C2orf15: variants seen among roughly 807,000 people sequenced by gnomAD.
The protein encoded by C2orf15 is uncharacterized protein C2orf15.
A neutral mutation model predicts 4.4 loss-of-function variants in C2orf15; 3 were observed. The ratio of observed to expected loss-of-function variants is 0.67; its 90% CI spans 0.31 to 1.74. The LOEUF (loss-of-function observed/expected upper bound fraction) is 1.74, where lower values mean the gene tolerates loss of function less well. C2orf15 is among the 40% of genes most tolerant of loss of function. The pLI is 0.09. For missense variants in C2orf15, 90 were observed against 103.3 expected (o/e 0.87, Z 0.56); for synonymous variants, 37 against 36.8 (o/e 1.00, Z -0.02).
intron 2 of C2orf15, among the ~76,000 whole-genome samples, chr2:99,144,542 G>A (rs959447339): frequency 1.1e-4 from 16 of 151,100 alleles, no homozygotes; most frequent in Non-Finnish European, 1.8e-4. Context: ...CCAGCTACTC[G>A]GGAGGCTGAG....
chr2:99,146,339 T>G (rs1179991555), intron 2 of C2orf15, among the ~76,000 whole-genome samples: 2 of 152,244 alleles, frequency 1.3e-5, no homozygotes, highest in Non-Finnish European at 2.9e-5. Context: ...GGTTTTCTTT[T>G]TCCTTGCTAA....
Position 99,150,635 on chromosome 2 carries a change from T to C in C2orf15, c.77T>C (p.Ile26Thr), listed in dbSNP as rs762582689. The part of the protein sequence containing the change: ...HMDSKVDDHL[I>T]RGTEKSRLEP... ...GATTCAAAAGTGGATGATCACTTAA[T>C]ACGAGGGACTGAAAAAAGCAGGTTG... Residue 26 changes from isoleucine to threonine, a missense_variant, in exon 4 of 4, where the codon ATA becomes ACA. Physicochemically the swap from Ile to Thr is moderately conservative, Grantham distance 89 (BLOSUM62 -1). Coordinates refer to ENST00000650052, the MANE Select transcript of C2orf15 (RefSeq NM_144706.4). 5.0e-6 allele frequency: 8 copies of C among 1,614,126 alleles called. No individual in the cohort carries two copies. In the South Asian group the frequency reaches 6.6e-5, roughly 13 times the overall value.
At chr2:99,145,285 C>T (rs1355301539) in intron 2 of C2orf15, among the ~76,000 whole-genome samples, 2 of 152,116 alleles carry the variant, frequency 1.3e-5, no homozygotes, top group African/African-American at 4.8e-5. Context: ...GTGGCAGGTG[C>T]GGTGACTCAC....
Position 99,150,527 on chromosome 2 carries a change from C to A in C2orf15, c.-32C>A. The A allele has an allele frequency of 6.3e-7, 1 of 1,596,598 alleles. No individual in the cohort carries two copies. The highest frequency in any genetic ancestry group is 1.7e-4 in the Middle Eastern group (1 of 5,996). On this transcript the variant is annotated 5_prime_UTR_variant, in exon 4 of 4. Coordinates refer to ENST00000650052, the MANE Select transcript of C2orf15 (RefSeq NM_144706.4). Reference sequence around the variant, plus strand: ...CTTCCACTACTTAAAAAGGTACCTGCAAATTACTTTCACATTTGTTCAGCT... The same window carrying A: ...CTTCCACTACTTAAAAAGGTACCTGAAAATTACTTTCACATTTGTTCAGCT...
intron 3 of C2orf15, among the ~76,000 whole-genome samples, chr2:99,149,427 A>G (rs1039892869): frequency 4.3e-4 from 63 of 145,988 alleles, no homozygotes; most frequent in African/African-American, 1.5e-3. Context: ...GCCTCCCTCC[A>G]TGCTACATGA....
At chr2:99,148,165 G>A (rs1043129316) in intron 3 of C2orf15, 1 of 152,140 alleles carries the variant, frequency 6.6e-6, no homozygotes, top group African/African-American at 2.4e-5. Flanking sequence ...TTTCATAGAA[G>A]ATACTTCTGT....
At chr2:99,147,700 GTAA>G (rs905713225) in intron 3 of C2orf15, among the ~76,000 whole-genome samples, 2 of 152,070 alleles carry the variant, frequency 1.3e-5, no homozygotes, top group Non-Finnish European at 2.9e-5. Flanking sequence ...CTACAGAAAT[GTAA>G]TAATAATAAT....
Position 99,143,311 on chromosome 2 carries a change from T to TG in C2orf15, c.-169+910_-169+911insG, listed in dbSNP as rs202051149. Among the ~76,000 whole-genome samples, 50 of 151,298 alleles carry TG rather than the reference T, an allele frequency of 3.3e-4. No individual in the cohort carries two copies. The East Asian group carries it at 7.6e-3, about 23-fold the overall frequency. On this transcript the variant is annotated intron_variant, in intron 2 of 3. Coordinates refer to ENST00000650052, the MANE Select transcript of C2orf15 (RefSeq NM_144706.4). Reference sequence around the variant, plus strand: ...CGCCCACTACTACGCCCAGCTTTTTTTTTGTTTGTTTTTTGTTTTTTGTAT... The same window carrying TG: ...CGCCCACTACTACGCCCAGCTTTTTTGTTTGTTTGTTTTTTGTTTTTTGTAT...
chr2:99,144,035 T>G (rs914806758), intron 2 of C2orf15, among the ~76,000 whole-genome samples: 7 of 152,008 alleles, frequency 4.6e-5, no homozygotes, highest in East Asian at 1.9e-4. Flanking sequence ...TTGTTTGTTT[T>G]TTTGAGATGG....
rs958834766 is a variant in C2orf15, at chr2:99,142,358, G to A, written c.-212G>A. On this transcript the variant is annotated 5_prime_UTR_variant, in exon 2 of 4. Coordinates refer to ENST00000650052, the MANE Select transcript of C2orf15 (RefSeq NM_144706.4). ...TGGTAGAACGCTGTGTATTTCAAGAGTAAGCTCTCGTTTGAGGAGACTAAC... is the reference window on the plus strand; with the variant it reads ...TGGTAGAACGCTGTGTATTTCAAGAATAAGCTCTCGTTTGAGGAGACTAAC... 1 of 152,314 alleles carries A rather than the reference G, an allele frequency of 6.6e-6. No individual in the cohort carries two copies. Among genetic ancestry groups the A allele is most frequent in the Admixed American group, 6.5e-5 (1 of 15,308 alleles). The allele number at this position is 152,314 out of a possible 1,614,324, so 9.4% of individuals were successfully genotyped here.
intron 2 of C2orf15, among the ~76,000 whole-genome samples, chr2:99,146,000 G>A (rs2093628036): frequency 6.6e-6 from 1 of 152,124 alleles, no homozygotes; most frequent in Non-Finnish European, 1.5e-5. Flanking sequence ...TTAGCCAGAT[G>A]TGGCCAGGTA....
At chr2:99,142,554 G>A (rs1007400458) in intron 2 of C2orf15, among the ~76,000 whole-genome samples, 153 bp downstream of exon 2, 1 of 151,818 alleles carries the variant, frequency 6.6e-6, no homozygotes, top group Non-Finnish European at 1.5e-5. Context: ...ATATTTTGTC[G>A]CATTTATTTT....
chr2:99,147,909 C>A (rs1014334423), intron 3 of C2orf15, among the ~76,000 whole-genome samples: 7 of 152,262 alleles, frequency 4.6e-5, no homozygotes, highest in African/African-American at 1.7e-4. Context: ...CTTATATAAC[C>A]ACAATACAAT....
intron 2 of C2orf15, among the ~76,000 whole-genome samples, chr2:99,142,884 A>G (rs1194681015): frequency 6.6e-6 from 1 of 152,160 alleles, no homozygotes; most frequent in Non-Finnish European, 1.5e-5. Flanking sequence ...GGAAGTAGGA[A>G]AGTACTTCCC....
rs2093575171 is a variant in C2orf15, at chr2:99,142,289, C to G, written c.-281C>G. ...CTTTATCTCCTTTTCCTGCAGATGA[C>G]ATAGACACTAGGTTTTTACAGCAAT... is the stretch of plus-strand genomic sequence containing the variant. On this transcript the variant is annotated 5_prime_UTR_variant, in exon 2 of 4. Transcript: ENST00000650052. 6.6e-6 allele frequency: 1 copy of G among 152,178 alleles called. No individual in the cohort carries two copies. Among genetic ancestry groups the G allele is most frequent in the Admixed American group, 6.5e-5 (1 of 15,278 alleles). The allele number at this position is 152,178 out of a possible 1,614,324, so 9.4% of individuals were successfully genotyped here. A position where few individuals can be genotyped will look rare whatever the true frequency, so the allele number is the denominator to read the frequency against.
rs577797276 is a variant in C2orf15 at position 99,149,505 on chromosome 2, C to T, written c.-76-978C>T. On this transcript the variant is annotated intron_variant, in intron 3 of 3. Coordinates refer to ENST00000650052, the MANE Select transcript of C2orf15 (RefSeq NM_144706.4). Reference sequence around the variant, plus strand: ...TCGCCCAGGCTGGAGTGCAGTGGCGCGATCTCGGCTCACTGCAACCTCAGC... The same window carrying T: ...TCGCCCAGGCTGGAGTGCAGTGGCGTGATCTCGGCTCACTGCAACCTCAGC... 1.1e-4 allele frequency among the ~76,000 whole-genome samples: 16 copies of T among 148,092 alleles called. No homozygotes were observed. The East Asian group carries it at 1.5e-3, about 13-fold the overall frequency.
chr2:99,143,584 C>T (rs2093600887), intron 2 of C2orf15, among the ~76,000 whole-genome samples: 1 of 151,912 alleles, frequency 6.6e-6, no homozygotes, highest in African/African-American at 2.4e-5. Context: ...AGTTCTCCTG[C>T]CTTAGCCCCT....
At chr2:99,147,572 C>A in intron 3 of C2orf15, 79 bp downstream of exon 3, 1 of 1,181,436 alleles carries the variant, frequency 8.5e-7, no homozygotes, top group Non-Finnish European at 1.3e-6. Context: ...GTTTAATGTG[C>A]AAATTGATAA....
At chr2:99,142,965 A>G (rs2093587883) in intron 2 of C2orf15, among the ~76,000 whole-genome samples, 1 of 152,098 alleles carries the variant, frequency 6.6e-6, no homozygotes, top group Non-Finnish European at 1.5e-5. Context: ...TTATTTGGAA[A>G]GAATATAAGG....
Sources: gnomAD v4.1 joint callset for allele counts (sites outside exome capture counted in the v4.1 genomes callset) on GRCh38, gnomAD v4.1.1 for gene constraint, MANE v1.5 for transcripts, NCBI Gene and HGNC (gene_info 2026-07-23, HGNC 2026-07-21) for gene names.